Variants in FAM117B observed in about 807,000 individuals in gnomAD.
FAM117B encodes family with sequence similarity 117 member B.
FAM117B carries 22 observed loss-of-function variants against 52.8 expected under a neutral mutation model. The ratio of observed to expected loss-of-function variants is 0.42; its 90% confidence interval spans 0.30 to 0.59. The LOEUF is 0.59. Among genes scored for constraint, FAM117B ranks in the 20% least tolerant of loss-of-function variants. FAM117B has a pLI of 0.22. For missense variants in FAM117B, 678 were observed against 802.6 expected, an observed-to-expected ratio of 0.84 and a Z score of 1.88; for synonymous variants, 309 against 324.1, an observed-to-expected ratio of 0.95 and a Z score of 0.50.
At chr2:202,759,458 C>T in intron 7 of FAM117B, 105 bp downstream of exon 7, 1 of 1,395,206 alleles carries the variant, frequency 7.2e-7, no homozygotes, top group Non-Finnish European at 9.6e-7. Context: ...GATGCAGTCA[C>T]AGGTCACACT....
rs200805572 is a variant in FAM117B at position 202,740,863 on chromosome 2, C to CAA, written c.960+14508_960+14509dup. Among the ~76,000 whole-genome samples, 8 of 149,522 alleles carry CAA rather than the reference C, an allele frequency of 5.4e-5. 1 individual carries two copies. In the South Asian group the frequency reaches 1.3e-3, roughly 24 times the overall value. ...AATCATATGAATATCTACATTGATA[C>CAA]AAAAAAAAAGCCCTTGGGAAATGTC... On this transcript the variant is annotated intron_variant, in intron 4 of 7. Coordinates refer to ENST00000392238, the MANE Select transcript of FAM117B (RefSeq NM_173511.4).
At position 202,713,860 on chromosome 2, in the gene FAM117B, C is replaced by T. The variant is rs192781269; in HGVS notation, c.754-11057C>T. Among the ~76,000 whole-genome samples, 14 of 152,292 alleles carry T rather than the reference C, an allele frequency of 9.2e-5. No homozygotes were observed. The East Asian group carries it at 2.3e-3, about 25-fold the overall frequency. On this transcript the variant is annotated intron_variant, in intron 2 of 7. Coordinates refer to ENST00000392238, the MANE Select transcript of FAM117B (RefSeq NM_173511.4). ...TAGCTGGGATTTCAGGCACATGCCA[C>T]CATGCCCAACTAATTTTTGTATTTT...
chr2:202,769,025 G>GT lies in FAM117B; in HGVS notation c.*3263dup, dbSNP rs1481688014. 1 of 151,984 alleles carries GT rather than the reference G, an allele frequency of 6.6e-6. No individual in the cohort carries two copies. The highest frequency in any genetic ancestry group is 1.5e-5 in the Non-Finnish European group (1 of 67,976). 9.4% of individuals were successfully genotyped at this position (151,984 alleles called of 1,614,324 possible). ...TAAAAATACCGGTTTTGCCTCTTTG[G>GT]TTACATGTGGTGAGCATGGATGTCA... is the stretch of plus-strand genomic sequence containing the variant. On this transcript the variant is annotated 3_prime_UTR_variant, in exon 8 of 8. Transcript: ENST00000392238.
chr2:202,742,219 G>A (rs746940910), intron 4 of FAM117B, among the ~76,000 whole-genome samples: 2 of 152,178 alleles, frequency 1.3e-5, no homozygotes, highest in Non-Finnish European at 2.9e-5. Context: ...ATAGGGAAAA[G>A]TAAATATGTG....
Position 202,769,577 on chromosome 2 carries a change from ACTCTT to A in FAM117B, c.*3814_*3818del. On this transcript the variant is annotated 3_prime_UTR_variant, in exon 8 of 8. Transcript: ENST00000392238. ...TTTTTGTCTCTGTGGAAGCTGTGTA[ACTCTT>A]TTTAAAATGCAATTTAAAACATTTT... The A allele has an allele frequency of 6.6e-6, 1 of 152,432 alleles. No homozygotes were observed. The highest frequency in any genetic ancestry group is 2.4e-5 in the African/African-American group (1 of 41,446). The allele number at this position is 152,432 out of a possible 1,614,324, so 9.4% of individuals were successfully genotyped here.
chr2:202,752,504 G>C (rs1191708729), intron 4 of FAM117B, among the ~76,000 whole-genome samples: 2 of 150,986 alleles, frequency 1.3e-5, no homozygotes, highest in African/African-American at 2.4e-5. Flanking sequence ...CAGACAGCAA[G>C]ATTATCAGGG....
intron 4 of FAM117B, among the ~76,000 whole-genome samples, chr2:202,745,762 C>T (rs571585371): frequency 9.5e-4 from 145 of 152,220 alleles, no homozygotes; most frequent in Non-Finnish European, 1.3e-3. Context: ...AAAGGCTATT[C>T]CACGCAAATG....
At chr2:202,727,221 G>C (rs1330430790) in intron 4 of FAM117B, among the ~76,000 whole-genome samples, 1 of 152,168 alleles carries the variant, frequency 6.6e-6, no homozygotes, top group African/African-American at 2.4e-5. Flanking sequence ...AGCAGGGCCT[G>C]GAAGGTAGAG....
chr2:202,694,451 A>G (rs1315270153), intron 1 of FAM117B, among the ~76,000 whole-genome samples: 4 of 151,818 alleles, frequency 2.6e-5, no homozygotes, highest in Admixed American at 6.6e-5. Context: ...TCGGCCTCCC[A>G]TAGTGCTGGG....
chr2:202,637,873 CTTTT>C (rs556979899), intron 1 of FAM117B, among the ~76,000 whole-genome samples: 2 of 130,748 alleles, frequency 1.5e-5, no homozygotes, highest in African/African-American at 5.7e-5. Context: ...AGTTAGGTAA[CTTTT>C]TTTTTTTTTT....
At chr2:202,763,282 C>T (rs1691924912) in intron 7 of FAM117B, among the ~76,000 whole-genome samples, 1 of 151,964 alleles carries the variant, frequency 6.6e-6, no homozygotes. Context: ...ACGTGTTAGC[C>T]AGGATGGTCT....
chr2:202,728,643 A>C (rs1250473275), intron 4 of FAM117B, among the ~76,000 whole-genome samples: 1 of 152,186 alleles, frequency 6.6e-6, no homozygotes, highest in Non-Finnish European at 1.5e-5. Context: ...TTTTACTCCA[A>C]GTAGAATAGG....
chr2:202,719,572 TTAAC>T (rs1340614533), intron 2 of FAM117B, among the ~76,000 whole-genome samples: 3 of 152,182 alleles, frequency 2.0e-5, no homozygotes, highest in Non-Finnish European at 2.9e-5. Context: ...CTAACTCTTC[TTAAC>T]TATTTCAGCA....
intron 1 of FAM117B, among the ~76,000 whole-genome samples, chr2:202,654,102 A>AGT (rs374071849): frequency 8.3e-5 from 12 of 144,318 alleles, no homozygotes; most frequent in South Asian, 2.1e-4. Context: ...AGAGAGTGAG[A>AGT]GTGTGTGTGT....
At chr2:202,660,727 T>C (rs1690116236) in intron 1 of FAM117B, among the ~76,000 whole-genome samples, 1 of 152,186 alleles carries the variant, frequency 6.6e-6, no homozygotes, top group African/African-American at 2.4e-5. Context: ...TACAACTGGA[T>C]ATGCCTCTAG....
chr2:202,651,222 C>T (rs1689951366), intron 1 of FAM117B, among the ~76,000 whole-genome samples: 1 of 151,970 alleles, frequency 6.6e-6, no homozygotes. Context: ...TCACCACGCC[C>T]AGCTAATTTT....
chr2:202,739,565 C>T (rs1691492798), intron 4 of FAM117B, among the ~76,000 whole-genome samples: 1 of 151,674 alleles, frequency 6.6e-6, no homozygotes. Flanking sequence ...AAGTGATCCT[C>T]CCACTTCAGC....
At chr2:202,677,815 A>C (rs1283982361) in intron 1 of FAM117B, among the ~76,000 whole-genome samples, 2 of 152,164 alleles carry the variant, frequency 1.3e-5, no homozygotes, top group Non-Finnish European at 2.9e-5. Context: ...TGAATTAACG[A>C]ATTGAGTAAT....
chr2:202,694,294 G>C (rs1420700063), intron 1 of FAM117B, among the ~76,000 whole-genome samples: 2 of 149,412 alleles, frequency 1.3e-5, no homozygotes, highest in East Asian at 4.0e-4. Context: ...GGATTCAAGC[G>C]ATTCTCCTGC....
Sources: allele counts gnomAD v4.1 joint callset (sites outside exome capture counted in the v4.1 genomes callset), GRCh38; gene constraint gnomAD v4.1.1; transcripts MANE v1.5; gene names NCBI Gene and HGNC (gene_info 2026-07-23, HGNC 2026-07-21).